Variants in CEP112 observed in about 807,000 individuals in gnomAD.
CEP112 encodes the protein centrosomal protein of 112 kDa.
In CEP112, 127 loss-of-function variants were observed where a neutral mutation model predicts 153.0. That is an observed-to-expected ratio of 0.83 (90% confidence interval 0.72 to 0.96). The LOEUF (loss-of-function observed/expected upper bound fraction) is 0.96, where lower values mean the gene tolerates loss of function less well. CEP112 is among the 40% of genes least tolerant of loss of function. The pLI is 0.00. For synonymous variants in CEP112, 358 were observed against 374.4 expected (o/e 0.96, Z 0.51); for missense variants, 1,089 against 1,101.2 (o/e 0.99, Z 0.16).
chr17:65,690,516 A>G (rs887596576), intron 23 of CEP112, among the ~76,000 whole-genome samples: 1 of 151,942 alleles, frequency 6.6e-6, no homozygotes, highest in Non-Finnish European at 1.5e-5. Flanking sequence ...TAAGTGTATT[A>G]TATAACCGTG....
chr17:66,108,245 ATTTCTT>A, intron 6 of CEP112, among the ~76,000 whole-genome samples: 1 of 152,174 alleles, frequency 6.6e-6, no homozygotes, highest in Non-Finnish European at 1.5e-5. Context: ...GTGGGCAAAG[ATTTCTT>A]CAGCAATTAC....
At chr17:65,931,237 T>A (rs2061112350) in intron 18 of CEP112, among the ~76,000 whole-genome samples, 2 of 152,182 alleles carry the variant, frequency 1.3e-5, no homozygotes. Context: ...GAAATCCAAC[T>A]AGCAACAATT....
chr17:65,823,161 C>T (rs1446838985), intron 21 of CEP112, among the ~76,000 whole-genome samples: 3 of 151,880 alleles, frequency 2.0e-5, no homozygotes, highest in South Asian at 2.1e-4. Flanking sequence ...AAAAATATCT[C>T]GGTAGGATTT....
chr17:65,842,743 A>G (rs2057568344), intron 21 of CEP112, among the ~76,000 whole-genome samples: 5 of 152,192 alleles, frequency 3.3e-5, no homozygotes, highest in Admixed American at 3.3e-4. Context: ...CTCATGTAAA[A>G]AAGGGTCTAA....
intron 16 of CEP112, among the ~76,000 whole-genome samples, chr17:66,013,748 G>A (rs552792814): frequency 6.6e-6 from 1 of 152,346 alleles, no homozygotes; most frequent in Admixed American, 6.5e-5. Flanking sequence ...GTTCACCCTT[G>A]TTAGCTGGGG....
chr17:65,943,149 G>C (rs913984563), intron 18 of CEP112, among the ~76,000 whole-genome samples: 2 of 152,154 alleles, frequency 1.3e-5, no homozygotes, highest in East Asian at 3.9e-4. Flanking sequence ...ATGGCAGAAA[G>C]ATAAACATTT....
intron 16 of CEP112, among the ~76,000 whole-genome samples, chr17:66,016,751 T>C (rs375365073): frequency 3.3e-5 from 5 of 152,314 alleles, no homozygotes; most frequent in South Asian, 4.1e-4. Flanking sequence ...TGTTGATTTT[T>C]TTTTTCTGGG....
intron 17 of CEP112, among the ~76,000 whole-genome samples, chr17:65,964,610 G>A (rs1037447022): frequency 6.6e-6 from 1 of 152,202 alleles, no homozygotes; most frequent in African/African-American, 2.4e-5. Flanking sequence ...CTCTGGTGTG[G>A]TGGTCCCAAT....
At chr17:65,823,333 C>T (rs2056683977) in intron 21 of CEP112, among the ~76,000 whole-genome samples, 1 of 152,082 alleles carries the variant, frequency 6.6e-6, no homozygotes, top group African/African-American at 2.4e-5. Context: ...AAAGGATAGA[C>T]ATATAGATTA....
chr17:66,126,177 G>A (rs1016994112), intron 6 of CEP112, among the ~76,000 whole-genome samples: 2 of 152,152 alleles, frequency 1.3e-5, no homozygotes, highest in Admixed American at 6.5e-5. Flanking sequence ...CTAGAAACCA[G>A]AATGAACATA....
chr17:66,081,127 G>A (rs1390719326), intron 8 of CEP112, among the ~76,000 whole-genome samples: 3 of 151,914 alleles, frequency 2.0e-5, no homozygotes, highest in African/African-American at 7.3e-5. Context: ...AAACCTGTAC[G>A]TTCTGCACAT....
chr17:65,964,452 G>T (rs1012939818), intron 17 of CEP112, among the ~76,000 whole-genome samples: 1 of 152,180 alleles, frequency 6.6e-6, no homozygotes, highest in Non-Finnish European at 1.5e-5. Flanking sequence ...GCTTTAAGTT[G>T]TATGTAGGAT....
At chr17:65,756,427 A>G (rs2052282249) in intron 21 of CEP112, among the ~76,000 whole-genome samples, 1 of 151,052 alleles carries the variant, frequency 6.6e-6, no homozygotes, top group Non-Finnish European at 1.5e-5. Context: ...AAAAAAAAAA[A>G]AAAAAAGAAA....
At chr17:65,965,954 T>C (rs2144831977) in intron 17 of CEP112, among the ~76,000 whole-genome samples, 1 of 152,308 alleles carries the variant, frequency 6.6e-6, no homozygotes, top group Admixed American at 6.5e-5. Context: ...GGCAAAGGTC[T>C]GCTCCTAGCA....
In CEP112 at chr17:66,142,535, A is replaced by G. The variant is rs2070747664; in HGVS notation, c.471-9772T>C. Among the ~76,000 whole-genome samples, 6 of 152,274 alleles carry G rather than the reference A, an allele frequency of 3.9e-5. No individual in the cohort carries two copies. In the South Asian group the frequency reaches 1.2e-3, roughly 32 times the overall value. ...TCTAGTTGATTTTTGTGTATGGTGC[A>G]AGATAAGGGCCAAATTTTCTTTTTA... On this transcript the variant is annotated intron_variant, in intron 4 of 26. Coordinates refer to ENST00000535342, the MANE Select transcript of CEP112 (RefSeq NM_001199165.4).
chr17:65,679,145 TTTTTTTTTTTTTTTTTTTTTTTTTTTC>T (rs1485631916), intron 24 of CEP112, among the ~76,000 whole-genome samples: 3 of 98,786 alleles, frequency 3.0e-5, no homozygotes, highest in African/African-American at 7.6e-5. Flanking sequence ...TTTTTTTTTT[TTTTTTTTTTTTTTTTTTTTTTTTTTTC>T]AGAAAACAGA....
intron 8 of CEP112, 49 bp from the exon 9 acceptor site, chr17:66,070,050 C>A: frequency 9.9e-7 from 1 of 1,006,774 alleles, no homozygotes; most frequent in Non-Finnish European, 1.5e-6. Context: ...TTCCCTTTGG[C>A]AAAAAATACA....
chr17:65,699,340 T>C (rs146856557), intron 23 of CEP112, among the ~76,000 whole-genome samples: 154 of 152,344 alleles, frequency 1.0e-3, no homozygotes, highest in African/African-American at 3.6e-3. Flanking sequence ...GGTACTCCCA[T>C]TAAAATTCTC....
chr17:65,767,135 G>A (rs1207769146), intron 21 of CEP112, among the ~76,000 whole-genome samples: 1 of 152,054 alleles, frequency 6.6e-6, no homozygotes, highest in East Asian at 1.9e-4. Flanking sequence ...ACTACATGGT[G>A]GGCCATAAAA....
Sources: allele counts gnomAD v4.1 joint callset (sites outside exome capture counted in the v4.1 genomes callset), GRCh38; gene constraint gnomAD v4.1.1; transcripts MANE v1.5; gene names NCBI Gene and HGNC (gene_info 2026-07-23, HGNC 2026-07-21).